GALNT10: variants seen among roughly 807,000 people sequenced by gnomAD.
GALNT10 encodes the protein polypeptide N-acetylgalactosaminyltransferase 10, also known as GalNAc transferase 10.
GALNT10 carries 41 observed loss-of-function variants against 75.0 expected under a neutral mutation model. That is an observed-to-expected ratio of 0.55 (90% confidence interval 0.43 to 0.71). GALNT10 has a LOEUF of 0.71. GALNT10 is among the 30% of genes least tolerant of loss of function. The probability of loss-of-function intolerance (pLI) is 0.00; values close to 1 mark genes in which losing one functional copy is unlikely to be tolerated. For missense variants in GALNT10, 727 were observed against 818.5 expected, an observed-to-expected ratio of 0.89 and a Z score of 1.36; for synonymous variants, 302 against 313.0, an observed-to-expected ratio of 0.96 and a Z score of 0.37.
chr5:154,228,685 G>T (rs568292421), intron 1 of GALNT10, among the ~76,000 whole-genome samples: 1 of 152,308 alleles, frequency 6.6e-6, no homozygotes, highest in South Asian at 2.1e-4. Context: ...AGGATGGCGG[G>T]AGTCCCAATT....
At chr5:154,314,530 C>T (rs571493801) in intron 3 of GALNT10, among the ~76,000 whole-genome samples, 20 of 152,054 alleles carry the variant, frequency 1.3e-4, no homozygotes, top group Non-Finnish European at 1.5e-5. Context: ...TTCTGATTGG[C>T]CTTTCAGGTT....
At chr5:154,394,682 T>C (rs1755980479) in intron 7 of GALNT10, among the ~76,000 whole-genome samples, 1 of 151,972 alleles carries the variant, frequency 6.6e-6, no homozygotes, top group South Asian at 2.1e-4. Context: ...GAGGGAGAAA[T>C]GATTGCCAAA....
At chr5:154,414,142 T>C (rs1307694302) in intron 10 of GALNT10, among the ~76,000 whole-genome samples, 1 of 152,234 alleles carries the variant, frequency 6.6e-6, no homozygotes, top group East Asian at 1.9e-4. Flanking sequence ...TTGGCAAAGA[T>C]GTGGATGAAC....
intron 3 of GALNT10, among the ~76,000 whole-genome samples, chr5:154,301,081 A>G (rs1024658112): frequency 5.3e-5 from 8 of 152,226 alleles, no homozygotes; most frequent in Non-Finnish European, 1.0e-4. Context: ...ACAGTCCAGA[A>G]AAAGAAACCT....
At chr5:154,241,261 C>G (rs1345887889) in intron 1 of GALNT10, among the ~76,000 whole-genome samples, 1 of 152,124 alleles carries the variant, frequency 6.6e-6, no homozygotes, top group African/African-American at 2.4e-5. Context: ...GAATTCTGGG[C>G]CCCAGCTGAG....
At chr5:154,255,453 T>G (rs1482057858) in intron 1 of GALNT10, among the ~76,000 whole-genome samples, 1 of 152,112 alleles carries the variant, frequency 6.6e-6, no homozygotes, top group East Asian at 1.9e-4. Flanking sequence ...CATGAGGTCA[T>G]GTATTGGTTG....
chr5:154,336,197 T>A (rs1474524457), intron 4 of GALNT10, among the ~76,000 whole-genome samples: 1 of 152,240 alleles, frequency 6.6e-6, no homozygotes, highest in Non-Finnish European at 1.5e-5. Flanking sequence ...AACATTCCAT[T>A]GTCTGGGTAT....
intron 1 of GALNT10, among the ~76,000 whole-genome samples, chr5:154,291,456 T>G (rs55826385): frequency 6.6e-6 from 1 of 152,138 alleles, no homozygotes. Flanking sequence ...ACAAGATCCA[T>G]GCATGATTCT....
At position 154,386,319 on chromosome 5, in the gene GALNT10, C is replaced by T. The variant is rs756610842; in HGVS notation, c.945C>T (p.Pro315=). The part of the protein sequence containing the change: ...KADPSDPFES[P]VMAGGLFAVD... ...TGTTCTTCTTCTCTGACAGGTCTCCCGTGATGGCCGGTGGACTGTTCGCCG... is the reference window on the plus strand; with the variant it reads ...TGTTCTTCTTCTCTGACAGGTCTCCTGTGATGGCCGGTGGACTGTTCGCCG... The change falls in exon 7 of 12, where the codon CCC becomes CCT. Residue 315 remains proline (P), a synonymous_variant. Transcript: ENST00000297107. 3.7e-6 allele frequency: 6 copies of T among 1,612,756 alleles called. No homozygotes were observed. The African/African-American group carries it at 4.0e-5, about 11-fold the overall frequency.
At chr5:154,282,793 A>C (rs1256343671) in intron 1 of GALNT10, among the ~76,000 whole-genome samples, 6 of 152,222 alleles carry the variant, frequency 3.9e-5, no homozygotes, top group African/African-American at 7.2e-5. Flanking sequence ...CCTTTCCTTC[A>C]TCTGGAAAAG....
intron 1 of GALNT10, among the ~76,000 whole-genome samples, chr5:154,227,883 T>C (rs1317493263): frequency 6.6e-6 from 1 of 152,190 alleles, no homozygotes; most frequent in African/African-American, 2.4e-5. Flanking sequence ...AAATCTCATG[T>C]TGAACTGTAA....
chr5:154,311,190 C>T (rs1275914743), intron 3 of GALNT10, among the ~76,000 whole-genome samples: 1 of 152,178 alleles, frequency 6.6e-6, no homozygotes, highest in Non-Finnish European at 1.5e-5. Flanking sequence ...GAAATGGATG[C>T]TGTGTTCTCC....
At chr5:154,296,935 G>T (rs1458527964) in intron 2 of GALNT10, among the ~76,000 whole-genome samples, 1 of 152,152 alleles carries the variant, frequency 6.6e-6, no homozygotes, top group East Asian at 1.9e-4. Flanking sequence ...AGAGCCCTTG[G>T]GCTCCACGTC....
Position 154,238,167 on chromosome 5 carries a change from G to A in GALNT10, c.159+47142G>A, listed in dbSNP as rs1360502224. On this transcript the variant is annotated intron_variant, in intron 1 of 11. Coordinates refer to ENST00000297107, the MANE Select transcript of GALNT10 (RefSeq NM_198321.4). ...ACAGTTACAACAACCCAAGGAAAGT[G>A]CAGTGAGAAGTTCCCACAGGCGTGG... Among the ~76,000 whole-genome samples, 4 of 152,260 alleles carry A rather than the reference G, an allele frequency of 2.6e-5. No homozygotes were observed. In the East Asian group the frequency reaches 7.7e-4, roughly 29 times the overall value.
At chr5:154,271,045 C>A (rs1389103209) in intron 1 of GALNT10, among the ~76,000 whole-genome samples, 1 of 148,026 alleles carries the variant, frequency 6.8e-6, no homozygotes, top group African/African-American at 2.5e-5. Flanking sequence ...AATTCATTTG[C>A]TTGTGTGGCC....
At chr5:154,214,467 A>G (rs979073371) in intron 1 of GALNT10, among the ~76,000 whole-genome samples, 3 of 152,170 alleles carry the variant, frequency 2.0e-5, no homozygotes, top group African/African-American at 7.2e-5. Context: ...TAATTTGGAA[A>G]AAGGAGAAAA....
intron 4 of GALNT10, chr5:154,329,956 A>T: frequency 3.6e-6 from 1 of 277,000 alleles, no homozygotes; most frequent in South Asian, 1.4e-4. Context: ...GAAATGTATT[A>T]ACTGCAAAAA....
intron 1 of GALNT10, among the ~76,000 whole-genome samples, chr5:154,285,256 A>C (rs1324525371): frequency 6.6e-5 from 10 of 152,204 alleles, no homozygotes; most frequent in Non-Finnish European, 1.5e-4. Flanking sequence ...CACACTCTGC[A>C]TGAGCACGGG....
At chr5:154,346,069 G>A (rs971618542) in intron 4 of GALNT10, among the ~76,000 whole-genome samples, 3 of 151,156 alleles carry the variant, frequency 2.0e-5, no homozygotes, top group African/African-American at 7.3e-5. Context: ...AAAGTGCCTG[G>A]GATTACAGGC....
Sources: allele counts gnomAD v4.1 joint callset (sites outside exome capture counted in the v4.1 genomes callset), GRCh38; gene constraint gnomAD v4.1.1; transcripts MANE v1.5; gene names NCBI Gene and HGNC (gene_info 2026-07-23, HGNC 2026-07-21).